Variants in TRPM3 observed in about 807,000 individuals in gnomAD.
The protein encoded by TRPM3 is transient receptor potential cation channel subfamily M member 3, also known as long transient receptor potential channel 3.
A neutral mutation model predicts 181.2 loss-of-function variants in TRPM3; 77 were observed. That is an observed-to-expected ratio of 0.42 (90% confidence interval 0.35 to 0.51). The LOEUF (loss-of-function observed/expected upper bound fraction) is 0.51. TRPM3 is among the 20% of genes least tolerant of loss of function. The probability of loss-of-function intolerance (pLI) is 0.01; values close to 1 mark genes in which losing one functional copy is unlikely to be tolerated. For missense variants in TRPM3, 1,759 were observed against 2,196.7 expected, an observed-to-expected ratio of 0.80 and a Z score of 3.98; for synonymous variants, 745 against 796.4, an observed-to-expected ratio of 0.94 and a Z score of 1.09.
intron 1 of TRPM3, among the ~76,000 whole-genome samples, chr9:70,998,636 TGC>T (rs1190189872): frequency 6.6e-6 from 1 of 152,166 alleles, no homozygotes; most frequent in Non-Finnish European, 1.5e-5. Context: ...AAATTGTCTG[TGC>T]CCAACCTACT....
chr9:71,110,618 C>G (rs2070861297), intron 1 of TRPM3, among the ~76,000 whole-genome samples: 1 of 152,132 alleles, frequency 6.6e-6, no homozygotes, highest in South Asian at 2.1e-4. Context: ...TTATACAAAC[C>G]TTGCCTACCC....
Position 70,625,122 on chromosome 9 carries a change from A to G in TRPM3, c.1809+69T>C. On this transcript the variant is annotated intron_variant, in intron 14 of 25. Coordinates refer to ENST00000677713, the MANE Select transcript of TRPM3 (RefSeq NM_001366145.2). This position sits in a 1 kb window ranked among gnomAD's most constrained non-coding sequence, Gnocchi z 4.8. ...ATTTTAATTCCCCTTGGAGACAAAGAAGCCACAACCCAAATCCCATACACC... is the reference window on the plus strand; with the variant it reads ...ATTTTAATTCCCCTTGGAGACAAAGGAGCCACAACCCAAATCCCATACACC... The G allele has an allele frequency of 6.4e-7, 1 of 1,550,890 alleles. No individual in the cohort carries two copies. The highest frequency in any genetic ancestry group is 1.2e-5 in the South Asian group (1 of 83,546).
At chr9:71,004,305 G>T (rs1037484923) in intron 1 of TRPM3, among the ~76,000 whole-genome samples, 4 of 152,236 alleles carry the variant, frequency 2.6e-5, no homozygotes, top group African/African-American at 7.2e-5. Flanking sequence ...CAACCCAAAG[G>T]CTGGTGATTA....
At chr9:71,390,739 A>G (rs1277813273) in intron 1 of TRPM3, among the ~76,000 whole-genome samples, 1 of 152,062 alleles carries the variant, frequency 6.6e-6, no homozygotes, top group African/African-American at 2.4e-5. Flanking sequence ...TTCTGTAGTA[A>G]CAACAACAAA....
intron 9 of TRPM3, among the ~76,000 whole-genome samples, chr9:70,664,968 C>T (rs1003528302): frequency 7.9e-5 from 12 of 152,152 alleles, no homozygotes; most frequent in Non-Finnish European, 2.9e-5. Context: ...ACCTCTCACG[C>T]CCTCCCAGGG....
intron 8 of TRPM3, among the ~76,000 whole-genome samples, chr9:70,758,308 C>T (rs998215403): frequency 1.3e-5 from 2 of 152,066 alleles, no homozygotes; most frequent in Non-Finnish European, 2.9e-5. Flanking sequence ...GAACTACAAA[C>T]CACTACTCAA....
intron 1 of TRPM3, among the ~76,000 whole-genome samples, chr9:71,117,258 T>C (rs141027411): frequency 3.3e-5 from 5 of 152,314 alleles, no homozygotes; most frequent in African/African-American, 9.6e-5. Flanking sequence ...TACCTAAATC[T>C]GGTGATCACC....
At chr9:70,700,592 A>C (rs939218634) in intron 8 of TRPM3, among the ~76,000 whole-genome samples, 2 of 152,348 alleles carry the variant, frequency 1.3e-5, no homozygotes, top group Admixed American at 1.3e-4. Flanking sequence ...AGGAGATTCT[A>C]AATAGTGAGA....
intron 8 of TRPM3, among the ~76,000 whole-genome samples, chr9:70,699,795 GATA>G (rs2071804405): frequency 1.3e-5 from 2 of 152,126 alleles, no homozygotes; most frequent in Admixed American, 1.3e-4. Flanking sequence ...CTTGAGATGA[GATA>G]ATAAGGGCCT....
intron 1 of TRPM3, among the ~76,000 whole-genome samples, chr9:71,096,590 A>ACACACACACTCTCTCT (rs1452142664): frequency 1.3e-4 from 12 of 90,040 alleles, no homozygotes; most frequent in African/African-American, 6.2e-4. Flanking sequence ...ACACACACAC[A>ACACACACACTCTCTCT]CTCTCTCTCT....
At chr9:70,803,421 G>A (rs988741511) in intron 6 of TRPM3, among the ~76,000 whole-genome samples, 2 of 150,400 alleles carry the variant, frequency 1.3e-5, no homozygotes, top group Non-Finnish European at 3.0e-5. Flanking sequence ...GGCTGCCTGA[G>A]CTCCGCCCCC....
intron 1 of TRPM3, among the ~76,000 whole-genome samples, chr9:71,228,959 A>G (rs1408611956): frequency 1.3e-5 from 2 of 152,178 alleles, no homozygotes; most frequent in Non-Finnish European, 2.9e-5. Context: ...CAGAAGTAGA[A>G]AAAAAGATCA....
At chr9:70,917,426 A>G in intron 1 of TRPM3, 1 of 820,332 alleles carries the variant, frequency 1.2e-6, no homozygotes, top group Non-Finnish European at 2.1e-6. Context: ...CTGCTCAGAA[A>G]TGAACTCGGC....
rs1466492954 is a variant in TRPM3, at chr9:70,785,559, A to G, written c.974-1280T>C. On this transcript the variant is annotated intron_variant, in intron 6 of 25. Coordinates refer to ENST00000677713, the MANE Select transcript of TRPM3 (RefSeq NM_001366145.2). ...ACTACTTCCATAAATATAAACTAAA[A>G]TAAAACAACTCTTGGACATCTGAGT... Among the ~76,000 whole-genome samples, 3 of 152,182 alleles carry G rather than the reference A, an allele frequency of 2.0e-5. No individual in the cohort carries two copies. The East Asian group carries it at 5.8e-4, about 29-fold the overall frequency.
In TRPM3 at chr9:70,534,011, GC is replaced by G. The variant is rs1356840491; in HGVS notation, c.*1941del. 1 of 152,110 alleles carries G rather than the reference GC, an allele frequency of 6.6e-6. No homozygotes were observed. The highest frequency in any genetic ancestry group is 1.5e-5 in the Non-Finnish European group (1 of 68,012). 9.4% of individuals were successfully genotyped at this position (152,110 alleles called of 1,614,324 possible). The stretch of plus-strand genomic sequence containing the variant: ...ACAAAAGAACCAGGTAGTATCTCAG[GC>G]CAGGAACAATAGATTGTTTTCCTTA... On this transcript the variant is annotated 3_prime_UTR_variant, in exon 26 of 26. Transcript: ENST00000677713.
At chr9:70,804,930 C>T (rs1267949103) in intron 6 of TRPM3, among the ~76,000 whole-genome samples, 1 of 152,156 alleles carries the variant, frequency 6.6e-6, no homozygotes, top group Non-Finnish European at 1.5e-5. Flanking sequence ...GCTGTGAAGT[C>T]CACCATGGCA....
At position 70,639,256 on chromosome 9, in the gene TRPM3, T is replaced by C; in HGVS notation, c.1447-62A>G. On this transcript the variant is annotated intron_variant, in intron 10 of 25. Coordinates refer to ENST00000677713, the MANE Select transcript of TRPM3 (RefSeq NM_001366145.2). ...TCTATCTATGGATGCAGTTCTTTAGTGTTCACTTGAACAGCTTAGAAATGG... is the reference window on the plus strand; with the variant it reads ...TCTATCTATGGATGCAGTTCTTTAGCGTTCACTTGAACAGCTTAGAAATGG... 1.9e-6 allele frequency: 3 copies of C among 1,582,484 alleles called. 1 individual carries two copies. The highest frequency in any genetic ancestry group is 1.7e-6 in the Non-Finnish European group (2 of 1,163,178).
intron 9 of TRPM3, among the ~76,000 whole-genome samples, chr9:70,680,096 C>T (rs2065049025): frequency 6.6e-6 from 1 of 152,130 alleles, no homozygotes; most frequent in African/African-American, 2.4e-5. Flanking sequence ...CATATATACA[C>T]TTGGAGAGTG....
At chr9:71,247,387 A>T (rs2082095806) in intron 1 of TRPM3, among the ~76,000 whole-genome samples, 1 of 151,442 alleles carries the variant, frequency 6.6e-6, no homozygotes, top group Non-Finnish European at 1.5e-5. Flanking sequence ...TAACAATAAT[A>T]ATAGTTGAGA....
Sources: gnomAD v4.1 joint callset for allele counts (sites outside exome capture counted in the v4.1 genomes callset) on GRCh38, gnomAD v4.1.1 for gene constraint, Gnocchi (gnomAD v3.1) non-coding constraint, MANE v1.5 for transcripts, NCBI Gene and HGNC (gene_info 2026-07-23, HGNC 2026-07-21) for gene names.